Variants in RUNX2 observed in about 807,000 individuals in gnomAD.
RUNX2 encodes runt-related transcription factor 2.
In RUNX2, 10 loss-of-function variants were observed where a neutral mutation model predicts 51.7. The observed-to-expected ratio is 0.19, with a 90% confidence interval of 0.12 to 0.33. The LOEUF (loss-of-function observed/expected upper bound fraction) is 0.33, where lower values mean the gene tolerates loss of function less well. Among genes scored for constraint, RUNX2 ranks in the 10% least tolerant of loss-of-function variants. The pLI, the probability that RUNX2 is intolerant of heterozygous loss-of-function variation, is 1.00. For missense variants in RUNX2, 562 were observed against 691.3 expected (o/e 0.81, Z 2.10); for synonymous variants, 276 against 273.6 (o/e 1.01, Z -0.09).
At chr6:45,345,095 G>A (rs1186737282) in intron 2 of RUNX2, among the ~76,000 whole-genome samples, 1 of 152,104 alleles carries the variant, frequency 6.6e-6, no homozygotes, top group Admixed American at 6.6e-5. Flanking sequence ...ACTCATCTGC[G>A]CTGCCTCACA....
chr6:45,544,866 A>T (rs571440905), intron 7 of RUNX2, among the ~76,000 whole-genome samples: 1 of 152,328 alleles, frequency 6.6e-6, no homozygotes, highest in East Asian at 1.9e-4. Flanking sequence ...ATTCTGTCAT[A>T]ATCGCTGTTT....
intron 5 of RUNX2, among the ~76,000 whole-genome samples, chr6:45,488,336 G>A (rs941941958): frequency 3.9e-5 from 6 of 152,058 alleles, no homozygotes; most frequent in African/African-American, 1.4e-4. Context: ...GGATTTTTTT[G>A]GAGGGGAGAA....
Position 45,403,549 on chromosome 6 carries a change from T to G in RUNX2, c.59-19044T>G, listed in dbSNP as rs772339916. ...CGCCTGGCCTGACTTTCCTTTTAAT[T>G]AACATAGATGTGTTTAATCTAGCTG... is the stretch of plus-strand genomic sequence containing the variant. On this transcript the variant is annotated intron_variant, in intron 2 of 8. Coordinates refer to ENST00000647337, the MANE Select transcript of RUNX2 (RefSeq NM_001024630.4). 2.0e-5 allele frequency among the ~76,000 whole-genome samples: 3 copies of G among 152,170 alleles called. No homozygotes were observed. In the South Asian group the frequency reaches 6.2e-4, roughly 31 times the overall value.
intron 2 of RUNX2, chr6:45,422,214 C>G (rs1450352509): frequency 1.8e-5 from 4 of 226,250 alleles, no homozygotes; most frequent in Non-Finnish European, 3.5e-5. Context: ...GCACCCAGGA[C>G]GCGGTGCCCC....
intron 6 of RUNX2, among the ~76,000 whole-genome samples, chr6:45,499,511 G>T (rs1800739919): frequency 6.6e-6 from 1 of 152,138 alleles, no homozygotes; most frequent in Non-Finnish European, 1.5e-5. Context: ...AACCCGTTAT[G>T]TTGTTGCTTA....
intron 5 of RUNX2, 124 bp downstream of exon 5, chr6:45,438,175 A>G (rs564981354): frequency 3.9e-5 from 27 of 695,412 alleles, no homozygotes; most frequent in South Asian, 3.8e-4. Context: ...TGCTATCTGC[A>G]TATATTTTTT....
At chr6:45,465,648 G>GA (rs1251932702) in intron 5 of RUNX2, among the ~76,000 whole-genome samples, 1 of 141,970 alleles carries the variant, frequency 7.0e-6, no homozygotes, top group Admixed American at 7.1e-5. Context: ...TTTCTTTTTG[G>GA]TTTTTTTTTT....
intron 2 of RUNX2, among the ~76,000 whole-genome samples, chr6:45,395,467 A>G (rs1044961515): frequency 1.3e-5 from 2 of 152,230 alleles, no homozygotes; most frequent in African/African-American, 2.4e-5. Flanking sequence ...ATGAGCTCAT[A>G]TATCCTCTTC....
chr6:45,345,359 C>T (rs1056835654), intron 2 of RUNX2, among the ~76,000 whole-genome samples: 14 of 152,276 alleles, frequency 9.2e-5, no homozygotes, highest in Admixed American at 7.9e-4. Flanking sequence ...TGCATCTCTG[C>T]AGACTTTTAC....
chr6:45,378,135 G>C (rs1456609976), intron 2 of RUNX2, among the ~76,000 whole-genome samples: 1 of 152,218 alleles, frequency 6.6e-6, no homozygotes, highest in African/African-American at 2.4e-5. Context: ...CGTTGTGCGC[G>C]GCCTTCAGGG....
intron 2 of RUNX2, among the ~76,000 whole-genome samples, chr6:45,416,158 G>T (rs1798065418): frequency 6.6e-6 from 1 of 152,100 alleles, no homozygotes; most frequent in South Asian, 2.1e-4. Flanking sequence ...ATAATAACTG[G>T]CATCCCCTAG....
chr6:45,430,391 T>C (rs1478908637), intron 3 of RUNX2, among the ~76,000 whole-genome samples: 1 of 152,074 alleles, frequency 6.6e-6, no homozygotes, highest in East Asian at 1.9e-4. Context: ...TTGAACTGAA[T>C]AACACAGTAC....
At chr6:45,527,993 G>T (rs1228055833) in intron 7 of RUNX2, among the ~76,000 whole-genome samples, 1 of 152,190 alleles carries the variant, frequency 6.6e-6, no homozygotes, top group Non-Finnish European at 1.5e-5. Flanking sequence ...GGTTGGGGAA[G>T]CCTCAATCAT....
At chr6:45,349,086 T>C (rs957674614) in intron 2 of RUNX2, among the ~76,000 whole-genome samples, 3 of 152,174 alleles carry the variant, frequency 2.0e-5, no homozygotes, top group African/African-American at 7.2e-5. Flanking sequence ...ATCAGTGGGA[T>C]CCTGATTATA....
intron 2 of RUNX2, among the ~76,000 whole-genome samples, chr6:45,348,599 C>T (rs966219103): frequency 6.1e-5 from 9 of 148,208 alleles, no homozygotes; most frequent in African/African-American, 2.0e-4. Context: ...CACTTGAATC[C>T]GGGAGGTGGA....
chr6:45,462,122 G>A (rs550371148), intron 5 of RUNX2, among the ~76,000 whole-genome samples: 58 of 152,226 alleles, frequency 3.8e-4, no homozygotes, highest in African/African-American at 1.4e-3. Flanking sequence ...GAAAAAAGAG[G>A]TTCCATTCCT....
intron 2 of RUNX2, among the ~76,000 whole-genome samples, chr6:45,403,332 C>G (rs1005564650): frequency 1.1e-4 from 17 of 148,988 alleles, no homozygotes; most frequent in Non-Finnish European, 5.9e-5. Flanking sequence ...CTCCCAGGTT[C>G]AAGCAATTCT....
At chr6:45,546,448 A>T (rs1037665787) in intron 8 of RUNX2, among the ~76,000 whole-genome samples, 5 of 152,188 alleles carry the variant, frequency 3.3e-5, no homozygotes, top group Admixed American at 2.0e-4. Flanking sequence ...CTTAGTAAAA[A>T]TTTCACTTCA....
At chr6:45,347,658 T>C (rs1351120644) in intron 2 of RUNX2, among the ~76,000 whole-genome samples, 1 of 152,082 alleles carries the variant, frequency 6.6e-6, no homozygotes, top group Non-Finnish European at 1.5e-5. Flanking sequence ...AAAAAAATTT[T>C]AAATAAAAGA....
Sources: allele counts gnomAD v4.1 joint callset (sites outside exome capture counted in the v4.1 genomes callset), GRCh38; gene constraint gnomAD v4.1.1; transcripts MANE v1.5; gene names NCBI Gene and HGNC (gene_info 2026-07-23, HGNC 2026-07-21).